MYO3A: variants seen among roughly 807,000 people sequenced by gnomAD.
The protein encoded by MYO3A is myosin IIIA, also known as myosin-IIIa.
In MYO3A, 180 loss-of-function variants were observed where a neutral mutation model predicts 192.7. The observed-to-expected ratio is 0.93, with a 90% confidence interval of 0.83 to 1.06. MYO3A has a LOEUF of 1.06. Ranked by LOEUF, MYO3A falls within the 50% of genes least tolerant of loss-of-function variation. The pLI is 0.00. For missense variants in MYO3A, 1,896 were observed against 1,905.0 expected (o/e 1.00, Z 0.09); for synonymous variants, 628 against 645.3 (o/e 0.97, Z 0.41).
Position 26,147,347 on chromosome 10 carries a change from CTGT to C in MYO3A, c.2506-77_2506-75del, listed in dbSNP as rs889001486. 1.8e-5 allele frequency: 25 copies of C among 1,358,454 alleles called. No individual in the cohort carries two copies. In the East Asian group the frequency reaches 3.0e-4, roughly 16 times the overall value. The allele number at this position is 1,358,454 out of a possible 1,614,324, so 84.2% of individuals were successfully genotyped here. ...CATAGAGTAAGCTCATAATGAGTAT[CTGT>C]TGTTGATGATGATGATGGTGAGGAG... is the stretch of plus-strand genomic sequence containing the variant. On this transcript the variant is annotated intron_variant, in intron 22 of 34. Transcript: ENST00000642920.
At chr10:25,953,798 C>G (rs1459628726) in intron 3 of MYO3A, among the ~76,000 whole-genome samples, 1 of 151,974 alleles carries the variant, frequency 6.6e-6, no homozygotes, top group African/African-American at 2.4e-5. Context: ...CTTAATTTAT[C>G]CTTTTGCTTT....
chr10:26,099,845 T>G (rs1837319683), intron 17 of MYO3A, among the ~76,000 whole-genome samples: 1 of 152,212 alleles, frequency 6.6e-6, no homozygotes, highest in Non-Finnish European at 1.5e-5. Context: ...GCATCGATGT[T>G]TATCAGGGAT....
At chr10:25,987,330 G>A (rs550416102) in intron 4 of MYO3A, among the ~76,000 whole-genome samples, 322 of 152,230 alleles carry the variant, frequency 2.1e-3, no homozygotes, top group African/African-American at 7.1e-3. Flanking sequence ...GAACCCAAAA[G>A]CAAATGCAAC....
intron 2 of MYO3A, among the ~76,000 whole-genome samples, chr10:25,948,209 G>A (rs1836983408): frequency 6.6e-6 from 1 of 152,130 alleles, no homozygotes; most frequent in East Asian, 1.9e-4. Context: ...TTTAGAATGA[G>A]CATGAAGCCA....
At chr10:26,193,410 T>C (rs1473082170) in intron 32 of MYO3A, 99 bp downstream of exon 32, 4 of 991,038 alleles carry the variant, frequency 4.0e-6, no homozygotes, top group Admixed American at 2.0e-5. Flanking sequence ...AAGGAAGGCC[T>C]GGCAGGACAG....
rs1013195346 is a variant in MYO3A, at chr10:26,137,829, T to G, written c.2263-5619T>G. ...TGAGATATGCCCTGGTCTCCTGCAG[T>G]ACCCTCAGGCTTACTGGAGTGGGGA... On this transcript the variant is annotated intron_variant, in intron 20 of 34. Transcript: ENST00000642920. Among the ~76,000 whole-genome samples, 3 of 152,184 alleles carry G rather than the reference T, an allele frequency of 2.0e-5. No homozygotes were observed. In the East Asian group the frequency reaches 5.8e-4, roughly 29 times the overall value.
intron 14 of MYO3A, among the ~76,000 whole-genome samples, chr10:26,085,806 G>T: frequency 6.6e-6 from 1 of 152,324 alleles, no homozygotes; most frequent in East Asian, 1.9e-4. Flanking sequence ...GAGGTTGCTG[G>T]GGTATCTTGC....
chr10:26,008,368 C>A (rs868394168), intron 6 of MYO3A, among the ~76,000 whole-genome samples: 3,216 of 135,644 alleles, frequency 0.024, 120 homozygotes, highest in African/African-American at 0.064. Context: ...GCAACAAAAG[C>A]CAAAATTGAC....
chr10:26,010,461 TTTTTTTTTTTGTTTTG>T (rs1173312801), intron 6 of MYO3A, among the ~76,000 whole-genome samples: 11 of 134,950 alleles, frequency 8.2e-5, no homozygotes, highest in African/African-American at 3.2e-4. Context: ...TTTTTTTTTT[TTTTTTTTTTTGTTTTG>T]TTTTTTTATG....
At chr10:25,966,581 A>C (rs1351589759) in intron 4 of MYO3A, among the ~76,000 whole-genome samples, 2 of 152,218 alleles carry the variant, frequency 1.3e-5, no homozygotes, top group Admixed American at 6.5e-5. Context: ...AACAAACAAA[A>C]AAAAACTGAA....
intron 1 of MYO3A, among the ~76,000 whole-genome samples, chr10:25,934,759 G>T (rs1339097745): frequency 6.6e-6 from 1 of 151,156 alleles, no homozygotes; most frequent in African/African-American, 2.4e-5. Context: ...AACGCGAGGG[G>T]ATAGTGAGGG....
chr10:26,190,473 G>A (rs951498028), intron 31 of MYO3A, among the ~76,000 whole-genome samples: 1 of 152,190 alleles, frequency 6.6e-6, no homozygotes, highest in Non-Finnish European at 1.5e-5. Flanking sequence ...GCTCCTATGG[G>A]ATGGGAGGGT....
chr10:26,057,064 G>T (rs1181767738), intron 10 of MYO3A, among the ~76,000 whole-genome samples: 1 of 152,188 alleles, frequency 6.6e-6, no homozygotes, highest in Admixed American at 6.5e-5. Flanking sequence ...GAAATCTAAA[G>T]AGGGCAGTTG....
At chr10:26,040,059 A>G (rs549196183) in intron 10 of MYO3A, among the ~76,000 whole-genome samples, 1 of 151,724 alleles carries the variant, frequency 6.6e-6, no homozygotes, top group East Asian at 1.9e-4. Context: ...TCCATAGGTT[A>G]TGGTATGTTG....
intron 31 of MYO3A, among the ~76,000 whole-genome samples, chr10:26,181,336 T>C (rs1428638134): frequency 6.6e-6 from 1 of 152,050 alleles, no homozygotes; most frequent in Non-Finnish European, 1.5e-5. Context: ...TAAGAAGTAA[T>C]AAAAGGAATT....
intron 2 of MYO3A, among the ~76,000 whole-genome samples, chr10:25,939,600 G>T (rs1486651264): frequency 6.6e-6 from 1 of 151,530 alleles, no homozygotes; most frequent in Admixed American, 6.6e-5. Context: ...GTATGCAATT[G>T]TATAGTTGTT....
chr10:26,176,171 G>A (rs1249494911), intron 30 of MYO3A, among the ~76,000 whole-genome samples: 1 of 152,138 alleles, frequency 6.6e-6, no homozygotes, highest in Non-Finnish European at 1.5e-5. Flanking sequence ...GCAGGCACCT[G>A]TAGTCCCAGC....
At chr10:26,057,175 C>T (rs1440065814) in intron 10 of MYO3A, among the ~76,000 whole-genome samples, 1 of 152,132 alleles carries the variant, frequency 6.6e-6, no homozygotes, top group East Asian at 1.9e-4. Context: ...AGGAAGGGTT[C>T]TGTGAATTAA....
At chr10:25,934,517 G>C (rs1383422674) in intron 1 of MYO3A, among the ~76,000 whole-genome samples, 189 bp downstream of exon 1, 3 of 152,170 alleles carry the variant, frequency 2.0e-5, no homozygotes, top group East Asian at 3.9e-4. Context: ...TGTGTTTGTC[G>C]GGGCCTGGGG....
Sources: allele counts gnomAD v4.1 joint callset (sites outside exome capture counted in the v4.1 genomes callset), GRCh38; gene constraint gnomAD v4.1.1; transcripts MANE v1.5; gene names NCBI Gene and HGNC (gene_info 2026-07-23, HGNC 2026-07-21).